CFAP52: variants seen among roughly 807,000 people sequenced by gnomAD.
CFAP52 encodes the protein cilia and flagella associated protein 52.
Under a neutral mutation model 70.5 loss-of-function variants are expected in CFAP52, and 57 were observed. That is an observed-to-expected ratio of 0.81 (90% confidence interval 0.65 to 1.01). The LOEUF is 1.01. Among genes scored for constraint, CFAP52 ranks in the 50% least tolerant of loss-of-function variants. The pLI is 0.00. For missense variants in CFAP52, 785 were observed against 788.5 expected (o/e 1.00, Z 0.05); for synonymous variants, 267 against 292.5 (o/e 0.91, Z 0.89).
At chr17:9,612,603 C>T (rs1555543155) in intron 8 of CFAP52, 124 bp downstream of exon 8, 8 of 1,118,798 alleles carry the variant, frequency 7.2e-6, no homozygotes, top group African/African-American at 3.1e-5. Flanking sequence ...ATTTTTCTAA[C>T]GTGGTGAATT....
intron 1 of CFAP52, among the ~76,000 whole-genome samples, chr17:9,581,666 T>TG (rs1438102754): frequency 2.0e-5 from 3 of 152,116 alleles, no homozygotes; most frequent in Non-Finnish European, 4.4e-5. Context: ...GTAGTGGACA[T>TG]GCGTAGTTTT....
intron 6 of CFAP52, among the ~76,000 whole-genome samples, chr17:9,607,758 T>C (rs1412933132): frequency 6.6e-6 from 1 of 152,170 alleles, no homozygotes; most frequent in Non-Finnish European, 1.5e-5. Flanking sequence ...ATATTCAAAA[T>C]GCACCAGTGG....
chr17:9,588,668 C>G (rs970502574), intron 3 of CFAP52, among the ~76,000 whole-genome samples: 3 of 152,128 alleles, frequency 2.0e-5, no homozygotes, highest in Non-Finnish European at 4.4e-5. Flanking sequence ...TCAATTTCAC[C>G]CCATTCAGTG....
chr17:9,622,125 T>C (rs964924613), intron 8 of CFAP52, among the ~76,000 whole-genome samples: 5 of 152,220 alleles, frequency 3.3e-5, no homozygotes, highest in African/African-American at 1.2e-4. Context: ...TCCTCCACCA[T>C]GTCCTGTGTT....
At chr17:9,576,839 G>C in intron 1 of CFAP52, 74 bp downstream of exon 1, 1 of 1,444,950 alleles carries the variant, frequency 6.9e-7, no homozygotes, top group Non-Finnish European at 9.4e-7. Context: ...GGAATAGTGA[G>C]ACACCGGGGA....
intron 6 of CFAP52, among the ~76,000 whole-genome samples, chr17:9,601,883 A>C (rs1368384650): frequency 6.6e-6 from 1 of 152,232 alleles, no homozygotes; most frequent in Non-Finnish European, 1.5e-5. Flanking sequence ...GGTTCTAACT[A>C]AGCTTAGATA....
chr17:9,580,941 G>A (rs1160509592), intron 1 of CFAP52, among the ~76,000 whole-genome samples: 1 of 152,140 alleles, frequency 6.6e-6, no homozygotes, highest in Non-Finnish European at 1.5e-5. Context: ...AAATTTACGT[G>A]CAATGAAGTT....
At chr17:9,577,754 C>T (rs1284973093) in intron 1 of CFAP52, among the ~76,000 whole-genome samples, 1 of 152,134 alleles carries the variant, frequency 6.6e-6, no homozygotes, top group Non-Finnish European at 1.5e-5. Context: ...CAGTGGGTTG[C>T]ATAATGTCAC....
intron 9 of CFAP52, 119 bp from the exon 10 acceptor site, chr17:9,632,769 C>G (rs2151950388): frequency 2.1e-6 from 3 of 1,405,450 alleles, no homozygotes; most frequent in South Asian, 3.1e-5. Context: ...CTGAGCTGGT[C>G]TCTTTCCTCC....
chr17:9,622,222 T>C (rs373522355), intron 8 of CFAP52, among the ~76,000 whole-genome samples: 1 of 152,180 alleles, frequency 6.6e-6, no homozygotes, highest in Non-Finnish European at 1.5e-5. Flanking sequence ...CTTTTTGTTT[T>C]GGAATTCTTT....
rs552108708 is a variant in CFAP52, at chr17:9,610,775, A to G, written c.855-1534A>G. 7.2e-5 allele frequency among the ~76,000 whole-genome samples: 11 copies of G among 151,986 alleles called. No homozygotes were observed. The South Asian group carries it at 2.3e-3, about 32-fold the overall frequency. ...GCTGGTCTCAAACTCCTGACCTCAG[A>G]TGATCCACCCACCTTGGCCTCCCAA... On this transcript the variant is annotated intron_variant, in intron 7 of 13. Transcript: ENST00000352665.
chr17:9,611,942 C>T (rs1048749589), intron 7 of CFAP52, among the ~76,000 whole-genome samples: 4 of 152,118 alleles, frequency 2.6e-5, no homozygotes, highest in Non-Finnish European at 4.4e-5. Context: ...AAGCATCTTC[C>T]CCCTGATTTT....
chr17:9,595,897 TAA>T (rs953060935), intron 4 of CFAP52, among the ~76,000 whole-genome samples: 1 of 142,344 alleles, frequency 7.0e-6, no homozygotes, highest in Admixed American at 7.1e-5. Context: ...GCTCTTTGTT[TAA>T]AAAAAAAAAG....
At chr17:9,586,489 A>G (rs748554545) in intron 2 of CFAP52, among the ~76,000 whole-genome samples, 1 of 151,256 alleles carries the variant, frequency 6.6e-6, no homozygotes, top group Non-Finnish European at 1.5e-5. Context: ...GCTTGAACCC[A>G]GGAGGTGGAT....
chr17:9,606,794 A>G (rs1028483755), intron 6 of CFAP52, among the ~76,000 whole-genome samples: 1 of 152,222 alleles, frequency 6.6e-6, no homozygotes, highest in Non-Finnish European at 1.5e-5. Context: ...TCATAGGCTG[A>G]GCCTTCATCC....
chr17:9,631,058 GAAAGAA>G lies in CFAP52; in HGVS notation c.1175-1828_1175-1823del, dbSNP rs1567634968. On this transcript the variant is annotated intron_variant, in intron 9 of 13. Transcript: ENST00000352665. The stretch of plus-strand genomic sequence containing the variant: ...AGAGAGAGAGAGAGAGAGAGAGAAA[GAAAGAA>G]AGAAAGAAAGAAAGAAAGAGAAAGA... Among the ~76,000 whole-genome samples the G allele has an allele frequency of 1.1e-4, 13 of 115,740 alleles. 1 individual carries two copies. The highest frequency in any genetic ancestry group is 1.5e-4 in the African/African-American group (4 of 27,024). 75.9% of individuals were successfully genotyped at this position (115,740 alleles called of 152,430 possible).
intron 8 of CFAP52, among the ~76,000 whole-genome samples, chr17:9,624,269 G>A (rs1357041759): frequency 2.0e-5 from 3 of 151,920 alleles, no homozygotes; most frequent in Non-Finnish European, 4.4e-5. Context: ...TTTCACCTTT[G>A]CTCACTTCTG....
At chr17:9,645,545 G>T, downstream of CFAP52, 1 of 1,130,130 alleles carries the variant, frequency 8.8e-7, no homozygotes, top group Non-Finnish European at 1.1e-6. The surrounding 1 kb of genome is among the most constrained non-coding windows in gnomAD (Gnocchi z 6.8). Flanking sequence ...GCCGGCACCA[G>T]GAGCCTTAGA....
chr17:9,580,754 A>G (rs1908184062), intron 1 of CFAP52, among the ~76,000 whole-genome samples: 1 of 62,164 alleles, frequency 1.6e-5, no homozygotes, highest in South Asian at 5.0e-4. Context: ...CAAAGGCAAA[A>G]AAAGAAAAAA....
Sources: gnomAD v4.1 joint callset for allele counts (sites outside exome capture counted in the v4.1 genomes callset) on GRCh38, gnomAD v4.1.1 for gene constraint, Gnocchi (gnomAD v3.1) non-coding constraint, MANE v1.5 for transcripts, NCBI Gene and HGNC (gene_info 2026-07-23, HGNC 2026-07-21) for gene names.